Variants in EXOC4 observed in about 807,000 individuals in gnomAD.
EXOC4 encodes SEC8-like 1.
Under a neutral mutation model 107.2 loss-of-function variants are expected in EXOC4, and 71 were observed. The observed-to-expected ratio is 0.66, with a 90% confidence interval of 0.55 to 0.81. The LOEUF (loss-of-function observed/expected upper bound fraction) is 0.81. Among genes scored for constraint, EXOC4 ranks in the 30% least tolerant of loss-of-function variants. EXOC4 has a pLI of 0.00. For missense variants in EXOC4, 1,108 were observed against 1,189.6 expected (o/e 0.93, Z 1.01); for synonymous variants, 456 against 441.2 (o/e 1.03, Z -0.42).
chr7:133,622,595 G>C (rs914379251), intron 9 of EXOC4, among the ~76,000 whole-genome samples: 2 of 152,008 alleles, frequency 1.3e-5, no homozygotes, highest in Non-Finnish European at 2.9e-5. Flanking sequence ...CCCAAACGTT[G>C]CATACATGAT....
chr7:134,028,496 G>A (rs1357337634), intron 17 of EXOC4, among the ~76,000 whole-genome samples: 3 of 152,314 alleles, frequency 2.0e-5, no homozygotes, highest in African/African-American at 7.2e-5. Flanking sequence ...ATAACATGTG[G>A]GAAACTGTTC....
At chr7:133,474,997 A>T (rs1798976793) in intron 7 of EXOC4, among the ~76,000 whole-genome samples, 1 of 152,156 alleles carries the variant, frequency 6.6e-6, no homozygotes, top group South Asian at 2.1e-4. Flanking sequence ...TGTAGTTTGG[A>T]ATATGAGGAT....
intron 12 of EXOC4, among the ~76,000 whole-genome samples, chr7:133,906,927 C>T (rs928696702): frequency 2.6e-5 from 4 of 152,204 alleles, no homozygotes; most frequent in Non-Finnish European, 5.9e-5. Context: ...AGAACTGTTA[C>T]ACTCACCGCA....
intron 7 of EXOC4, among the ~76,000 whole-genome samples, chr7:133,465,992 C>T (rs1798719601): frequency 6.6e-6 from 1 of 151,964 alleles, no homozygotes. Context: ...AAAAAATTAG[C>T]TGGGCTTGGT....
At chr7:133,802,612 A>G (rs921889898) in intron 10 of EXOC4, among the ~76,000 whole-genome samples, 3 of 152,096 alleles carry the variant, frequency 2.0e-5, no homozygotes, top group Non-Finnish European at 4.4e-5. Context: ...TAATTTCAGC[A>G]CTTTGGGAGG....
At chr7:133,797,858 G>A (rs139533495) in intron 10 of EXOC4, among the ~76,000 whole-genome samples, 38 of 152,316 alleles carry the variant, frequency 2.5e-4, no homozygotes, top group African/African-American at 8.7e-4. Context: ...CTATGAAGCC[G>A]TCTAAGACCC....
chr7:133,606,660 G>A (rs6971568), intron 9 of EXOC4, among the ~76,000 whole-genome samples: 3,542 of 151,714 alleles, frequency 0.023, 136 homozygotes, highest in African/African-American at 0.081. Context: ...GATTATAGGT[G>A]TGCACCATCA....
intron 9 of EXOC4, among the ~76,000 whole-genome samples, chr7:133,532,609 T>G (rs1800201192): frequency 6.6e-6 from 1 of 152,008 alleles, no homozygotes; most frequent in Non-Finnish European, 1.5e-5. Context: ...CTTCTAGAAG[T>G]GAATAGGACT....
intron 11 of EXOC4, among the ~76,000 whole-genome samples, chr7:133,875,286 G>C (rs191681604): frequency 1.3e-5 from 2 of 152,284 alleles, no homozygotes; most frequent in African/African-American, 4.8e-5. Flanking sequence ...GAGGAAGAAG[G>C]GTGTTAGGAA....
intron 9 of EXOC4, among the ~76,000 whole-genome samples, chr7:133,517,456 C>T (rs1799898219): frequency 6.6e-6 from 1 of 152,130 alleles, no homozygotes; most frequent in South Asian, 2.1e-4. Context: ...TTTCATGCCG[C>T]TGATAAAGGC....
intron 10 of EXOC4, among the ~76,000 whole-genome samples, chr7:133,740,280 T>C (rs1795537703): frequency 6.6e-6 from 1 of 152,186 alleles, no homozygotes; most frequent in South Asian, 2.1e-4. Context: ...AGTAAGCATA[T>C]GACCCTTTGA....
At chr7:134,029,437 G>A (rs563614478) in intron 17 of EXOC4, among the ~76,000 whole-genome samples, 28 of 152,190 alleles carry the variant, frequency 1.8e-4, no homozygotes, top group Non-Finnish European at 3.4e-4. Context: ...ATGGAGAATA[G>A]CGGGGAAGGG....
At chr7:133,897,166 A>C (rs1799337830) in intron 12 of EXOC4, among the ~76,000 whole-genome samples, 1 of 151,932 alleles carries the variant, frequency 6.6e-6, no homozygotes, top group Non-Finnish European at 1.5e-5. Context: ...GTGTTTACGG[A>C]AGATGAATTT....
chr7:133,554,136 T>G (rs528139077), intron 9 of EXOC4, among the ~76,000 whole-genome samples: 75 of 152,262 alleles, frequency 4.9e-4, no homozygotes, highest in African/African-American at 1.7e-3. Flanking sequence ...GTGCTTTATC[T>G]CAGGTGGATC....
chr7:133,402,713 A>G (rs1421492845), intron 7 of EXOC4, among the ~76,000 whole-genome samples: 1 of 152,070 alleles, frequency 6.6e-6, no homozygotes, highest in Non-Finnish European at 1.5e-5. Context: ...CTTGTTGGCC[A>G]GGCTGTTCTT....
At chr7:133,361,938 A>G (rs535551282) in intron 6 of EXOC4, among the ~76,000 whole-genome samples, 10 of 152,296 alleles carry the variant, frequency 6.6e-5, no homozygotes, top group African/African-American at 2.4e-4. Flanking sequence ...TCAACAGTAC[A>G]ATGTTTAAAG....
chr7:133,773,683 T>A (rs1796290456), intron 10 of EXOC4, among the ~76,000 whole-genome samples: 1 of 152,024 alleles, frequency 6.6e-6, no homozygotes, highest in Admixed American at 6.6e-5. Context: ...GAACTGATAA[T>A]ATAAATTTTT....
intron 14 of EXOC4, among the ~76,000 whole-genome samples, chr7:133,952,134 C>T (rs1363691492): frequency 6.6e-6 from 1 of 151,336 alleles, no homozygotes; most frequent in African/African-American, 2.4e-5. Flanking sequence ...CCAGCCCGAG[C>T]TGACAACAGT....
intron 17 of EXOC4, among the ~76,000 whole-genome samples, chr7:134,043,676 A>G (rs144408908): frequency 1.8e-4 from 28 of 152,230 alleles, no homozygotes; most frequent in African/African-American, 5.8e-4. Context: ...AGACTCTGAC[A>G]TTTCTTGGGT....
Sources: allele counts gnomAD v4.1 joint callset (sites outside exome capture counted in the v4.1 genomes callset), GRCh38; gene constraint gnomAD v4.1.1; transcripts MANE v1.5; gene names NCBI Gene and HGNC (gene_info 2026-07-23, HGNC 2026-07-21).